The following FRMD5 variants were observed in gnomAD, a reference collection of about 807,000 sequenced individuals.
The protein encoded by FRMD5 is FERM domain containing 5, also known as FERM domain-containing protein 5.
In FRMD5, 20 loss-of-function variants were observed where a neutral mutation model predicts 69.0. That is an observed-to-expected ratio of 0.29 (90% CI 0.20 to 0.42). The LOEUF (loss-of-function observed/expected upper bound fraction) is 0.42, where lower values mean the gene tolerates loss of function less well. FRMD5 is among the 10% of genes least tolerant of loss of function. The pLI is 1.00. For synonymous variants in FRMD5, 271 were observed against 260.1 expected, an observed-to-expected ratio of 1.04 and a Z score of -0.40; for missense variants, 595 against 708.6, an observed-to-expected ratio of 0.84 and a Z score of 1.82.
intron 1 of FRMD5, chr15:43,990,060 C>CCAGACACCAGGGCG: frequency 1.4e-6 from 1 of 728,076 alleles, no homozygotes; most frequent in Non-Finnish European, 2.5e-6. Context: ...CCGTCACGCC[C>CCAGACACCAGGGCG]TGGTGTCTGG....
chr15:44,046,241 C>A (rs1892423492), intron 1 of FRMD5, among the ~76,000 whole-genome samples: 1 of 151,856 alleles, frequency 6.6e-6, no homozygotes, highest in Non-Finnish European at 1.5e-5. Context: ...AAATTTAACC[C>A]TGAATAAGGA....
Position 44,161,348 on chromosome 15 carries a change from T to C in FRMD5, c.102+33605A>G, listed in dbSNP as rs533144126. ...CTGCACCTCTGAGTATAGAATATAG[T>C]TTACTAAAATGGTAATTTTATATTC... On this transcript the variant is annotated intron_variant, in intron 1 of 13. Transcript: ENST00000417257. 4.6e-5 allele frequency among the ~76,000 whole-genome samples: 7 copies of C among 152,302 alleles called. No individual in the cohort carries two copies. The South Asian group carries it at 1.2e-3, about 27-fold the overall frequency.
At chr15:44,068,045 C>A (rs921026406) in intron 1 of FRMD5, among the ~76,000 whole-genome samples, 4 of 152,030 alleles carry the variant, frequency 2.6e-5, no homozygotes, top group African/African-American at 9.7e-5. Flanking sequence ...CCTTACCTAC[C>A]AGGATGGTCA....
intron 1 of FRMD5, among the ~76,000 whole-genome samples, chr15:43,985,109 T>C (rs1889327234): frequency 6.6e-6 from 1 of 151,398 alleles, no homozygotes; most frequent in Non-Finnish European, 1.5e-5. Flanking sequence ...TGAAACCCCA[T>C]CTCTATTAAA....
chr15:44,120,530 T>A (rs1321817546), intron 1 of FRMD5, among the ~76,000 whole-genome samples: 1 of 88,868 alleles, frequency 1.1e-5, no homozygotes, highest in African/African-American at 3.3e-5. Flanking sequence ...TTGGGAAGAG[T>A]GGATTTTTTT....
chr15:44,199,407 T>G (rs867914417), upstream of FRMD5, among the ~76,000 whole-genome samples: 2 of 152,156 alleles, frequency 1.3e-5, no homozygotes, highest in Non-Finnish European at 2.9e-5. Context: ...CCTGACTACG[T>G]CTTAGGCATT....
intron 1 of FRMD5, among the ~76,000 whole-genome samples, chr15:44,076,693 C>A (rs1198292614): frequency 1.3e-5 from 2 of 148,542 alleles, no homozygotes; most frequent in Non-Finnish European, 3.0e-5. Flanking sequence ...TTAGTGGGTG[C>A]AGTGCACCAG....
At chr15:43,876,283 G>GT in intron 13 of FRMD5, 1 of 1,300,698 alleles carries the variant, frequency 7.7e-7, no homozygotes. Flanking sequence ...TCTGGGCCTG[G>GT]TTTTTACCCC....
At chr15:43,880,270 T>C (rs1313493091) in intron 13 of FRMD5, among the ~76,000 whole-genome samples, 2 of 152,182 alleles carry the variant, frequency 1.3e-5, no homozygotes, top group Non-Finnish European at 2.9e-5. Flanking sequence ...AGAAAGTCTT[T>C]GGTGGAGCAT....
intron 6 of FRMD5, among the ~76,000 whole-genome samples, chr15:43,905,421 GC>G (rs1735556990): frequency 6.6e-6 from 1 of 152,132 alleles, no homozygotes; most frequent in Non-Finnish European, 1.5e-5. Context: ...ACAGCCGTAA[GC>G]CACCGCGCCT....
At chr15:44,067,138 A>G (rs1893344907) in intron 1 of FRMD5, among the ~76,000 whole-genome samples, 1 of 152,140 alleles carries the variant, frequency 6.6e-6, no homozygotes, top group African/African-American at 2.4e-5. Context: ...AAATACATGG[A>G]AACTTATTGA....
intron 1 of FRMD5, among the ~76,000 whole-genome samples, chr15:44,026,279 CCTCT>C (rs772085142): frequency 1.3e-5 from 2 of 152,180 alleles, no homozygotes; most frequent in African/African-American, 2.4e-5. Flanking sequence ...CCACATCTGG[CCTCT>C]CTCTTTCTTG....
chr15:44,149,385 AAAAC>A (rs1482960231), intron 1 of FRMD5, among the ~76,000 whole-genome samples: 7 of 152,098 alleles, frequency 4.6e-5, no homozygotes, highest in Non-Finnish European at 8.8e-5. Context: ...ATATATATAG[AAAAC>A]AAACAACAAA....
In FRMD5 at chr15:44,194,979, C is replaced by T; in HGVS notation, c.76G>A (p.Asp26Asn). The change falls in exon 1 of 14, where the codon GAC becomes AAC. Residue 26 changes from aspartate (D) to asparagine (N), a missense_variant. This residue lies in a region of FRMD5 where 44 missense variants were observed against 33.6 expected (regional missense o/e 1.31). Coordinates refer to ENST00000417257, the MANE Select transcript of FRMD5 (RefSeq NM_032892.5). ...TGGATGGTGCAGGTGTACTCGCTGT[C>T]GTCCAGCAGCCGCACGGTGCAGCTG... ...EYSCTVRLLD[D>N]SEYTCTIQRD... 6.5e-7 allele frequency: 1 copy of T among 1,546,534 alleles called. No homozygotes were observed. The highest frequency in any genetic ancestry group is 8.7e-7 in the Non-Finnish European group (1 of 1,150,192).
intron 1 of FRMD5, among the ~76,000 whole-genome samples, chr15:44,085,292 A>G (rs957687942): frequency 1.3e-4 from 20 of 152,178 alleles, no homozygotes; most frequent in African/African-American, 4.8e-4. Context: ...AAGTGGAAAG[A>G]CAGGAGATTA....
In FRMD5 at chr15:43,874,181, C is replaced by G. The variant is rs768782827; in HGVS notation, c.1417G>C (p.Glu473Gln). ...EASTPTATEV[E>Q]ALGGELRALC... ...GCCCTCAGCTCTCCCCCAAGGGCCT[C>G]CACCTCTGTAGCAGTTGGGGTGCTG... The change falls in exon 14 of 14, where the codon GAG (glutamate) becomes CAG (glutamine). Residue 473 changes from glutamate to glutamine, a missense_variant. By Grantham distance (29) the Glu-to-Gln change is conservative (BLOSUM62 2). This residue lies in a region of FRMD5 where 245 missense variants were observed against 227.1 expected (regional missense o/e 1.08). Transcript: ENST00000417257. 1 of 1,614,234 alleles carries G rather than the reference C, an allele frequency of 6.2e-7. No homozygotes were observed. Among genetic ancestry groups the G allele is most frequent in the Non-Finnish European group, 8.5e-7 (1 of 1,180,036 alleles).
At chr15:43,916,252 A>G (rs564288089) in intron 4 of FRMD5, among the ~76,000 whole-genome samples, 1 of 152,348 alleles carries the variant, frequency 6.6e-6, no homozygotes, top group African/African-American at 2.4e-5. Flanking sequence ...TGTGCTTACC[A>G]GGACTTGGAT....
At chr15:44,158,690 G>T (rs568743430) in intron 1 of FRMD5, among the ~76,000 whole-genome samples, 3 of 152,170 alleles carry the variant, frequency 2.0e-5, no homozygotes, top group Non-Finnish European at 2.9e-5. Context: ...GTAAAGAAGA[G>T]CCTACATTTA....
At chr15:43,994,319 A>G (rs2140147503) in intron 1 of FRMD5, among the ~76,000 whole-genome samples, 1 of 152,322 alleles carries the variant, frequency 6.6e-6, no homozygotes, top group Admixed American at 6.5e-5. Flanking sequence ...TTAAACTGGT[A>G]ACAACTTTGA....
Sources: gnomAD v4.1 joint callset for allele counts (sites outside exome capture counted in the v4.1 genomes callset) on GRCh38, gnomAD v4.1.1 for gene constraint, gnomAD v4.1.1 regional missense constraint, MANE v1.5 for transcripts, NCBI Gene and HGNC (gene_info 2026-07-23, HGNC 2026-07-21) for gene names.